Variants in SORCS1 observed in about 807,000 individuals in gnomAD.
The protein encoded by SORCS1 is VPS10 domain-containing receptor SorCS1.
Under a neutral mutation model 146.1 loss-of-function variants are expected in SORCS1, and 60 were observed. That is an observed-to-expected ratio of 0.41 (90% CI 0.33 to 0.51). SORCS1 has a LOEUF of 0.51. SORCS1 is among the 20% of genes least tolerant of loss of function. The pLI is 0.21. For missense variants in SORCS1, 1,352 were observed against 1,487.6 expected, an observed-to-expected ratio of 0.91 and a Z score of 1.50; for synonymous variants, 637 against 584.0, an observed-to-expected ratio of 1.09 and a Z score of -1.31.
At chr10:106,831,618 C>A (rs893291130) in intron 2 of SORCS1, among the ~76,000 whole-genome samples, 2 of 147,932 alleles carry the variant, frequency 1.4e-5, no homozygotes, top group Admixed American at 1.3e-4. Flanking sequence ...TCACTACCAT[C>A]CATTCAGTAT....
At chr10:106,700,221 G>A (rs1212675510) in intron 8 of SORCS1, among the ~76,000 whole-genome samples, 5 of 152,116 alleles carry the variant, frequency 3.3e-5, no homozygotes, top group African/African-American at 1.2e-4. Context: ...AGTAACAAGT[G>A]CCCCTGGGGT....
intron 2 of SORCS1, among the ~76,000 whole-genome samples, chr10:106,832,676 A>T (rs1205493979): frequency 6.6e-6 from 1 of 152,172 alleles, no homozygotes; most frequent in East Asian, 1.9e-4. Context: ...CAGATGCAAA[A>T]TCTACCTGGG....
intron 1 of SORCS1, among the ~76,000 whole-genome samples, chr10:107,106,503 A>G (rs1965314575): frequency 6.6e-6 from 1 of 152,196 alleles, no homozygotes; most frequent in Non-Finnish European, 1.5e-5. Context: ...TCTTTTACAA[A>G]CTATATATCT....
intron 1 of SORCS1, among the ~76,000 whole-genome samples, chr10:106,962,559 G>C (rs1388325648): frequency 6.6e-6 from 1 of 152,154 alleles, no homozygotes; most frequent in African/African-American, 2.4e-5. Context: ...CTTAGGATTA[G>C]AGTACACAAT....
intron 1 of SORCS1, among the ~76,000 whole-genome samples, chr10:107,100,806 T>C (rs965361929): frequency 6.6e-6 from 1 of 152,224 alleles, no homozygotes. Flanking sequence ...CAAAAGTTTA[T>C]CTGTCAAGAT....
At chr10:106,713,521 T>G (rs1487135532) in intron 6 of SORCS1, among the ~76,000 whole-genome samples, 1 of 152,162 alleles carries the variant, frequency 6.6e-6, no homozygotes, top group Non-Finnish European at 1.5e-5. Context: ...TATATAGAAA[T>G]TATTAATCTA....
At chr10:106,670,693 C>T (rs1851524395) in intron 16 of SORCS1, among the ~76,000 whole-genome samples, 1 of 149,664 alleles carries the variant, frequency 6.7e-6, no homozygotes, top group Non-Finnish European at 1.5e-5. Context: ...AAAGAATCTG[C>T]CCATTTTTTT....
intron 1 of SORCS1, among the ~76,000 whole-genome samples, chr10:107,155,805 A>G (rs963903285): frequency 6.6e-6 from 1 of 152,110 alleles, no homozygotes; most frequent in Non-Finnish European, 1.5e-5. Flanking sequence ...AGAGGCGTCA[A>G]TCTATTGGTT....
At chr10:106,973,822 A>T (rs1035654273) in intron 1 of SORCS1, among the ~76,000 whole-genome samples, 2 of 152,240 alleles carry the variant, frequency 1.3e-5, no homozygotes, top group Non-Finnish European at 2.9e-5. Flanking sequence ...GTTTTAAACA[A>T]ATCACTTCCA....
intron 1 of SORCS1, among the ~76,000 whole-genome samples, chr10:107,086,282 T>C (rs934715074): frequency 2.6e-5 from 4 of 152,126 alleles, no homozygotes; most frequent in African/African-American, 9.7e-5. Flanking sequence ...TTCTCAAAGC[T>C]TGGAAGTGAG....
intron 1 of SORCS1, among the ~76,000 whole-genome samples, chr10:107,134,407 G>C (rs757545736): frequency 3.1e-4 from 47 of 152,198 alleles, no homozygotes; most frequent in Non-Finnish European, 5.0e-4. Flanking sequence ...GGGAGGCCAA[G>C]GCGGATGGAT....
rs892052213 is a variant in SORCS1 at position 106,675,948 on chromosome 10, C to G, written c.1833-792G>C. 4.6e-5 allele frequency among the ~76,000 whole-genome samples: 7 copies of G among 152,276 alleles called. No homozygotes were observed. The East Asian group carries it at 1.2e-3, about 25-fold the overall frequency. On this transcript the variant is annotated intron_variant, in intron 13 of 25. Coordinates refer to ENST00000263054, the MANE Select transcript of SORCS1 (RefSeq NM_052918.5). ...CCTCATCAGACACTGAATCTGCCAG[C>G]ATTTTGATACTGGACATCTCAACCT...
At chr10:106,944,738 C>A (rs571304053) in intron 2 of SORCS1, among the ~76,000 whole-genome samples, 2 of 152,056 alleles carry the variant, frequency 1.3e-5, no homozygotes, top group Non-Finnish European at 2.9e-5. Context: ...AAGGTCTCTG[C>A]CCTCAGCGAG....
intron 1 of SORCS1, among the ~76,000 whole-genome samples, chr10:107,076,332 T>C (rs1052276730): frequency 1.3e-5 from 2 of 152,168 alleles, no homozygotes; most frequent in Non-Finnish European, 2.9e-5. Flanking sequence ...TACTTAATAT[T>C]GCATAAGCCA....
intron 6 of SORCS1, among the ~76,000 whole-genome samples, chr10:106,714,485 G>A (rs1855224226): frequency 6.6e-6 from 1 of 152,104 alleles, no homozygotes. Flanking sequence ...GTTAACATTA[G>A]AGGAAGCTGG....
intron 4 of SORCS1, among the ~76,000 whole-genome samples, 192 bp downstream of exon 4, chr10:106,776,342 T>C (rs1161489884): frequency 2.0e-5 from 3 of 152,112 alleles, no homozygotes; most frequent in African/African-American, 7.2e-5. Flanking sequence ...TGGTAAGTGG[T>C]TTCAGATATT....
intron 2 of SORCS1, among the ~76,000 whole-genome samples, chr10:106,928,097 G>C (rs373632455): frequency 6.6e-6 from 1 of 152,244 alleles, no homozygotes; most frequent in Non-Finnish European, 1.5e-5. Flanking sequence ...GTCCCGCGCC[G>C]TGCACCCGCA....
chr10:106,642,961 C>G (rs534888868), intron 18 of SORCS1, among the ~76,000 whole-genome samples: 1 of 152,286 alleles, frequency 6.6e-6, no homozygotes, highest in South Asian at 2.1e-4. Flanking sequence ...GATGATTTGG[C>G]CTTTTCTTTC....
chr10:106,867,380 G>A (rs893090915), intron 2 of SORCS1, among the ~76,000 whole-genome samples: 2 of 151,948 alleles, frequency 1.3e-5, no homozygotes, highest in South Asian at 4.2e-4. Context: ...TGCCTCCCAG[G>A]TTCATGCCAT....
Sources: gnomAD v4.1 joint callset for allele counts (sites outside exome capture counted in the v4.1 genomes callset) on GRCh38, gnomAD v4.1.1 for gene constraint, MANE v1.5 for transcripts, NCBI Gene and HGNC (gene_info 2026-07-23, HGNC 2026-07-21) for gene names.